The following SMC6 variants were observed in gnomAD, a reference collection of about 807,000 sequenced individuals.
SMC6 encodes the protein structural maintenance of chromosomes protein 6.
Under a neutral mutation model 142.2 loss-of-function variants are expected in SMC6, and 79 were observed. The observed-to-expected ratio is 0.56, with a 90% CI of 0.46 to 0.67. SMC6 has a LOEUF of 0.67. Ranked by LOEUF, SMC6 falls within the 30% of genes least tolerant of loss-of-function variation. The probability of loss-of-function intolerance (pLI) is 0.00; values close to 1 mark genes in which losing one functional copy is unlikely to be tolerated. For missense variants in SMC6, 1,072 were observed against 1,284.0 expected (o/e 0.83, Z 2.52); for synonymous variants, 411 against 412.4 (o/e 1.00, Z 0.04).
At position 17,707,348 on chromosome 2, in the gene SMC6, G is replaced by A. The variant is rs369819937; in HGVS notation, c.1877C>T (p.Ser626Phe). Residue 626 changes from serine (S) to phenylalanine (F), a missense_variant, in exon 18 of 28, where the codon TCC (serine) becomes TTC (phenylalanine). Ser to Phe is a radical substitution (Grantham distance 155). Transcript: ENST00000448223. ...TCTACAATTTTTGGGTGGCTTTTGGGACTGCATTACTGCACGAGCTACAGA... is the reference window on the plus strand; with the variant it reads ...TCTACAATTTTTGGGTGGCTTTTGGAACTGCATTACTGCACGAGCTACAGA... ...NNSVARAVMQ[S>F]QKPPKNCREA... The A allele has an allele frequency of 1.5e-5, 24 of 1,596,114 alleles. No individual in the cohort carries two copies. The highest frequency in any genetic ancestry group is 2.0e-5 in the Non-Finnish European group (24 of 1,172,074).
Position 17,708,664 on chromosome 2 carries a change from C to T in SMC6, c.1820G>A (p.Gly607Asp). Residue 607 changes from glycine (G) to aspartate (D), a missense_variant, in exon 17 of 28, where the codon GGC becomes GAC. Around this residue, in one of 3 missense-constraint regions of SMC6, gnomAD observed 994 missense variants for 1,153.2 expected, o/e 0.86. Transcript: ENST00000448223. ...VVANSLIDMRGIETVLLIKNN... is the reference protein window; with the variant it reads ...VVANSLIDMRDIETVLLIKNN... The stretch of plus-strand genomic sequence containing the variant: ...TTTGATTAGTAGCACTGTCTCTATG[C>T]CTCTCATGTCAATTAGGCTATTTGC... 1 of 1,534,608 alleles carries T rather than the reference C, an allele frequency of 6.5e-7. No homozygotes were observed. The highest frequency in any genetic ancestry group is 8.8e-7 in the Non-Finnish European group (1 of 1,137,638).
intron 21 of SMC6, 65 bp downstream of exon 21, chr2:17,700,143 G>A: frequency 9.4e-7 from 1 of 1,065,666 alleles, no homozygotes; most frequent in Non-Finnish European, 1.3e-6. Context: ...AATATCCATA[G>A]AGTACATGTG....
At chr2:17,688,891 A>T (rs1667577204) in intron 23 of SMC6, among the ~76,000 whole-genome samples, 1 of 152,234 alleles carries the variant, frequency 6.6e-6, no homozygotes, top group Non-Finnish European at 1.5e-5. Context: ...ACTGATAAAT[A>T]TGAAGGATGC....
chr2:17,707,133 A>G, intron 18 of SMC6, 86 bp downstream of exon 18: 1 of 1,114,378 alleles, frequency 9.0e-7, no homozygotes, highest in Non-Finnish European at 1.2e-6. Flanking sequence ...CCTCACTGAA[A>G]CAACCACTAA....
intron 17 of SMC6, among the ~76,000 whole-genome samples, chr2:17,707,720 G>A (rs755830864): frequency 1.2e-4 from 19 of 152,098 alleles, no homozygotes; most frequent in Non-Finnish European, 2.6e-4. Context: ...CCAGTTCATA[G>A]TAATTATTTT....
chr2:17,718,109 C>G lies in SMC6; in HGVS notation c.1060G>C (p.Val354Leu). ...PECMALKADV[V>L]AKKRAYNEAE... ...TCATTATAGGCCCTTTTCTTAGCAA[C>G]AACATCTGCTTTCAATGCCATACAT... Residue 354 changes from valine (V) to leucine (L), a missense_variant, in exon 12 of 28, where the codon GTT becomes CTT. Val to Leu is a conservative substitution (Grantham distance 32). Transcript: ENST00000448223. The G allele has an allele frequency of 6.2e-7, 1 of 1,610,178 alleles. No homozygotes were observed. Among genetic ancestry groups the G allele is most frequent in the Non-Finnish European group, 8.5e-7 (1 of 1,177,892 alleles).
chr2:17,745,981 T>G (rs772831609), intron 2 of SMC6, 30 bp from the exon 3 acceptor site: 1 of 1,553,134 alleles, frequency 6.4e-7, no homozygotes, highest in South Asian at 1.2e-5. Context: ...AACAATGAGG[T>G]AAATCAAGTT....
chr2:17,668,346 G>T (rs1666597925), intron 26 of SMC6, among the ~76,000 whole-genome samples: 1 of 152,070 alleles, frequency 6.6e-6, no homozygotes, highest in African/African-American at 2.4e-5. Context: ...AATTGACACT[G>T]AACTATTATA....
intron 11 of SMC6, 65 bp downstream of exon 11, chr2:17,720,875 T>C: frequency 7.4e-7 from 1 of 1,348,486 alleles, no homozygotes; most frequent in Non-Finnish European, 1.1e-6. Context: ...GGGTCATAAA[T>C]AGTCTAATAT....
At chr2:17,683,545 A>G in intron 24 of SMC6, 93 bp downstream of exon 24, 1 of 1,142,766 alleles carries the variant, frequency 8.8e-7, no homozygotes, top group South Asian at 1.7e-5. Context: ...GCAAGCATTA[A>G]TAGTCTCTGC....
At chr2:17,693,202 T>C (rs1667814154) in intron 23 of SMC6, among the ~76,000 whole-genome samples, 2 of 152,312 alleles carry the variant, frequency 1.3e-5, no homozygotes, top group South Asian at 2.1e-4. Context: ...CATTACTGGG[T>C]GTATACTCAA....
intron 25 of SMC6, among the ~76,000 whole-genome samples, chr2:17,678,388 C>T (rs2555074): frequency 0.34 from 51,295 of 151,864 alleles, 9,440 homozygotes; most frequent in African/African-American, 0.44. Flanking sequence ...TTAGTAAGAT[C>T]GATTTAAATT....
At chr2:17,678,460 A>G (rs1667094539) in intron 25 of SMC6, among the ~76,000 whole-genome samples, 1 of 152,140 alleles carries the variant, frequency 6.6e-6, no homozygotes, top group African/African-American at 2.4e-5. Flanking sequence ...AAAGTTTATC[A>G]ATGTTTTATC....
At chr2:17,683,197 T>C (rs896826528) in intron 24 of SMC6, among the ~76,000 whole-genome samples, 10 of 152,202 alleles carry the variant, frequency 6.6e-5, no homozygotes, top group African/African-American at 2.4e-4. Context: ...GTATCAGGTA[T>C]GATTATAGAA....
At chr2:17,691,218 A>G (rs1667696268) in intron 23 of SMC6, among the ~76,000 whole-genome samples, 1 of 108,970 alleles carries the variant, frequency 9.2e-6, no homozygotes, top group African/African-American at 3.3e-5. Context: ...ATGAATGAAG[A>G]GAGAAAAATG....
intron 23 of SMC6, among the ~76,000 whole-genome samples, 158 bp from the exon 24 acceptor site, chr2:17,683,921 C>A (rs1409286510): frequency 6.6e-6 from 1 of 152,150 alleles, no homozygotes; most frequent in Non-Finnish European, 1.5e-5. Context: ...GCAAATTACA[C>A]TCCCAGAATG....
At chr2:17,705,190 G>A (rs186046323) in intron 18 of SMC6, among the ~76,000 whole-genome samples, 14 of 152,180 alleles carry the variant, frequency 9.2e-5, no homozygotes, top group Non-Finnish European at 1.9e-4. Flanking sequence ...CCCAGGAGGT[G>A]GAGGTTGCAG....
chr2:17,726,345 G>C (rs1669623545), intron 8 of SMC6, 44 bp downstream of exon 8: 1 of 1,461,256 alleles, frequency 6.8e-7, no homozygotes, highest in African/African-American at 1.4e-5. Context: ...ATGCCTAAAG[G>C]TATTCTTTTT....
intron 23 of SMC6, among the ~76,000 whole-genome samples, chr2:17,691,573 T>C (rs1426553212): frequency 6.6e-6 from 1 of 151,754 alleles, no homozygotes; most frequent in Non-Finnish European, 1.5e-5. Context: ...CTCAAAATAA[T>C]AAGAGCTATC....
Sources: gnomAD v4.1 joint callset for allele counts (sites outside exome capture counted in the v4.1 genomes callset) on GRCh38, gnomAD v4.1.1 for gene constraint, gnomAD v4.1.1 regional missense constraint, MANE v1.5 for transcripts, NCBI Gene and HGNC (gene_info 2026-07-23, HGNC 2026-07-21) for gene names.